The following PAMR1 variants were observed in gnomAD, a reference collection of about 807,000 sequenced individuals.
PAMR1 encodes inactive serine protease PAMR1.
A neutral mutation model predicts 81.8 loss-of-function variants in PAMR1; 88 were observed. That is an observed-to-expected ratio of 1.08 (90% CI 0.91 to 1.28). The LOEUF (loss-of-function observed/expected upper bound fraction) is 1.28, where lower values mean the gene tolerates loss of function less well. PAMR1 is among the 50% of genes most tolerant of loss of function. PAMR1 has a pLI of 0.00. For synonymous variants in PAMR1, 336 were observed against 345.3 expected (o/e 0.97, Z 0.30); for missense variants, 935 against 919.7 (o/e 1.02, Z -0.21).
intron 1 of PAMR1, among the ~76,000 whole-genome samples, chr11:35,514,984 G>A (rs1851136811): frequency 6.6e-6 from 1 of 152,206 alleles, no homozygotes; most frequent in Admixed American, 6.5e-5. Context: ...CAACCTGGGT[G>A]ACAGACCAAG....
At chr11:35,491,950 A>G in intron 3 of PAMR1, 95 bp downstream of exon 3, 1 of 1,190,604 alleles carries the variant, frequency 8.4e-7, no homozygotes, top group Non-Finnish European at 1.1e-6. Context: ...GGCTTTCCAA[A>G]ACTCAGATTC....
intron 6 of PAMR1, among the ~76,000 whole-genome samples, chr11:35,449,708 C>A (rs1856372469): frequency 1.3e-5 from 2 of 152,162 alleles, no homozygotes; most frequent in Admixed American, 1.3e-4. Context: ...CAGCTCTGTG[C>A]TTGAGACCAA....
At chr11:35,433,578 A>T (rs1304259444) in intron 10 of PAMR1, among the ~76,000 whole-genome samples, 1 of 152,240 alleles carries the variant, frequency 6.6e-6, no homozygotes, top group Non-Finnish European at 1.5e-5. Context: ...TGTCACATTG[A>T]TTATGATACA....
intron 3 of PAMR1, among the ~76,000 whole-genome samples, chr11:35,476,132 C>A (rs926215320): frequency 6.6e-6 from 1 of 152,208 alleles, no homozygotes; most frequent in Non-Finnish European, 1.5e-5. Flanking sequence ...CTAGGTCATA[C>A]AATCTATCTC....
chr11:35,453,772 T>C lies in PAMR1; in HGVS notation c.821-12079A>G, dbSNP rs181373786. On this transcript the variant is annotated intron_variant, in intron 6 of 10. Transcript: ENST00000619888. ...TATCTTCAGTGGGATGGGTTTTTTT[T>C]GGTGCAAAGCCAAATGAGAATTTAA... Among the ~76,000 whole-genome samples, 10 of 152,338 alleles carry C rather than the reference T, an allele frequency of 6.6e-5. No homozygotes were observed. The East Asian group carries it at 1.5e-3, about 24-fold the overall frequency.
At chr11:35,436,958 A>T (rs1039598648) in intron 8 of PAMR1, among the ~76,000 whole-genome samples, 26 of 152,222 alleles carry the variant, frequency 1.7e-4, no homozygotes, top group Admixed American at 5.2e-4. Flanking sequence ...AATATTAGGA[A>T]TTGACTCAAA....
At chr11:35,525,835 A>C, upstream of PAMR1, 1 of 551,014 alleles carries the variant, frequency 1.8e-6, no homozygotes, top group Non-Finnish European at 3.2e-6. Flanking sequence ...ACGCCTGGAG[A>C]CCCGCGGACG....
chr11:35,466,910 T>C (rs756040061), intron 6 of PAMR1, among the ~76,000 whole-genome samples: 78 of 152,128 alleles, frequency 5.1e-4, no homozygotes, highest in Non-Finnish European at 9.6e-4. Flanking sequence ...TGTGTTTCTG[T>C]GGGCCCTTTT....
rs369444570 is a variant in PAMR1, at chr11:35,435,934, C to T, written c.1302G>A (p.Lys434=). ...TGCAGGATGGTGCCCGCCCACTCCA[C>T]TTCCCAGTCCTCAGACATGTCCTCC... ...SSRRTCLRTG[K]WSGRAPSCIP... The change falls in exon 9 of 11, where the codon AAG becomes AAA. Residue 434 remains lysine, a synonymous_variant. Coordinates refer to ENST00000619888, the MANE Select transcript of PAMR1 (RefSeq NM_001001991.3). 369 of 1,614,220 alleles carry T rather than the reference C, an allele frequency of 2.3e-4. 5 individuals carry two copies. The South Asian group carries it at 3.8e-3, about 17-fold the overall frequency.
intron 3 of PAMR1, among the ~76,000 whole-genome samples, chr11:35,482,015 G>T (rs959717935): frequency 6.6e-6 from 1 of 152,034 alleles, no homozygotes; most frequent in African/African-American, 2.4e-5. Context: ...AGTTTCTTTT[G>T]CTGTGCAGAA....
chr11:35,461,283 T>A (rs1199594861), intron 6 of PAMR1, among the ~76,000 whole-genome samples: 2 of 152,196 alleles, frequency 1.3e-5, no homozygotes, highest in Non-Finnish European at 2.9e-5. Context: ...CAATGGTGGG[T>A]CTGGCCCTTT....
At chr11:35,478,868 G>GTT (rs1193269364) in intron 3 of PAMR1, among the ~76,000 whole-genome samples, 1 of 152,130 alleles carries the variant, frequency 6.6e-6, no homozygotes, top group Non-Finnish European at 1.5e-5. Context: ...CTGTGTGTGT[G>GTT]TAGTGATATC....
At chr11:35,485,299 A>C (rs1208052546) in intron 3 of PAMR1, among the ~76,000 whole-genome samples, 1 of 152,184 alleles carries the variant, frequency 6.6e-6, no homozygotes, top group African/African-American at 2.4e-5. Context: ...AGAGAGAGAG[A>C]GCCAGATGTT....
chr11:35,528,288 G>A (rs745614565), upstream of PAMR1, among the ~76,000 whole-genome samples: 3 of 152,248 alleles, frequency 2.0e-5, no homozygotes, highest in Non-Finnish European at 2.9e-5. Context: ...CTACCAGGAC[G>A]GACAGAAGTT....
chr11:35,447,491 T>C (rs936194465), intron 6 of PAMR1, among the ~76,000 whole-genome samples: 3 of 152,028 alleles, frequency 2.0e-5, no homozygotes, highest in African/African-American at 7.2e-5. Flanking sequence ...GCGTGAGCCA[T>C]TGCGCCTGGC....
At chr11:35,480,628 G>A (rs531442063) in intron 3 of PAMR1, among the ~76,000 whole-genome samples, 55 of 152,106 alleles carry the variant, frequency 3.6e-4, no homozygotes, top group Non-Finnish European at 7.1e-4. Context: ...GTATTTTTCA[G>A]TGCTAGGGTT....
chr11:35,438,843 G>A (rs1043447181), intron 8 of PAMR1, among the ~76,000 whole-genome samples: 2 of 152,214 alleles, frequency 1.3e-5, no homozygotes, highest in African/African-American at 4.8e-5. Context: ...AGATAGGATT[G>A]CTATCTTTAA....
At chr11:35,447,843 G>C (rs905737229) in intron 6 of PAMR1, among the ~76,000 whole-genome samples, 4 of 152,178 alleles carry the variant, frequency 2.6e-5, no homozygotes, top group Admixed American at 2.0e-4. Context: ...GCCTTGTGGT[G>C]ACAAATTCCC....
At chr11:35,434,878 G>T (rs1856002714) in intron 9 of PAMR1, 74 bp from the exon 10 acceptor site, 2 of 1,447,556 alleles carry the variant, frequency 1.4e-6, no homozygotes, top group Non-Finnish European at 1.9e-6. Context: ...CACTTAACCA[G>T]AGAGCACAAA....
Sources: allele counts gnomAD v4.1 joint callset (sites outside exome capture counted in the v4.1 genomes callset), GRCh38; gene constraint gnomAD v4.1.1; transcripts MANE v1.5; gene names NCBI Gene and HGNC (gene_info 2026-07-23, HGNC 2026-07-21).